DPYD: variants seen among roughly 807,000 people sequenced by gnomAD.
DPYD encodes dihydropyrimidine dehydrogenase [NADP(+)].
DPYD carries 109 observed loss-of-function variants against 116.2 expected under a neutral mutation model. The observed-to-expected ratio is 0.94, with a 90% CI of 0.80 to 1.10. The LOEUF (loss-of-function observed/expected upper bound fraction) is 1.10. Ranked by LOEUF, DPYD falls within the 50% of genes least tolerant of loss-of-function variation. DPYD has a pLI of 0.00. For synonymous variants in DPYD, 440 were observed against 432.0 expected (o/e 1.02, Z -0.23); for missense variants, 1,302 against 1,254.5 (o/e 1.04, Z -0.57).
rs550526561 is a variant in DPYD, at chr1:97,691,566, C to A, written c.762+151G>T. The A allele has an allele frequency of 1.5e-4, 101 of 661,398 alleles. 1 individual carries two copies. In the South Asian group the frequency reaches 1.7e-3, roughly 11 times the overall value. 41.0% of individuals were successfully genotyped at this position (661,398 alleles called of 1,614,324 possible). On this transcript the variant is annotated intron_variant, in intron 7 of 22. Coordinates refer to ENST00000370192, the MANE Select transcript of DPYD (RefSeq NM_000110.4). ...CATTCAGACAGTAGACAGACAAATG[C>A]CCTAAGCAAGGGGAAGCATCTTTCT...
In DPYD at chr1:97,305,381, A is replaced by G. The variant is rs74104343; in HGVS notation, c.2180-3T>C. 2.8e-4 allele frequency: 445 copies of G among 1,612,194 alleles called. 2 individuals are homozygous for G. The African/African-American group carries it at 5.4e-3, about 20-fold the overall frequency. ...GGCTGTAACGCCATTGGCACCACCTATGCAAGACACATCAACATTTTCATG... is the reference window on the plus strand; with the variant it reads ...GGCTGTAACGCCATTGGCACCACCTGTGCAAGACACATCAACATTTTCATG... On this transcript the variant is annotated splice_polypyrimidine_tract_variant and splice_region_variant and intron_variant, in intron 17 of 22. Transcript: ENST00000370192.
At chr1:97,721,987 T>A (rs767899744) in intron 4 of DPYD, among the ~76,000 whole-genome samples, 11 of 151,706 alleles carry the variant, frequency 7.3e-5, no homozygotes, top group Non-Finnish European at 1.3e-4. Context: ...TTGTCAAAAA[T>A]TATTCATTTC....
chr1:97,683,642 A>T (rs530525571), intron 7 of DPYD, among the ~76,000 whole-genome samples: 1 of 152,214 alleles, frequency 6.6e-6, no homozygotes, highest in East Asian at 1.9e-4. Flanking sequence ...TTGCATTACA[A>T]AAAAAGGTAT....
chr1:97,738,180 C>A (rs1664069221), intron 4 of DPYD, among the ~76,000 whole-genome samples: 1 of 152,148 alleles, frequency 6.6e-6, no homozygotes, highest in African/African-American at 2.4e-5. Context: ...TGATCTCATG[C>A]ATTCTCATAT....
chr1:97,219,177 C>G (rs1316773026), intron 19 of DPYD, among the ~76,000 whole-genome samples: 1 of 152,018 alleles, frequency 6.6e-6, no homozygotes. Flanking sequence ...ACAGTACACA[C>G]AAAGCAAAAC....
intron 8 of DPYD, among the ~76,000 whole-genome samples, chr1:97,663,532 T>A (rs191257387): frequency 6.6e-6 from 1 of 152,336 alleles, no homozygotes; most frequent in Admixed American, 6.5e-5. Flanking sequence ...TTGCTTGAAT[T>A]ATTCCAATAG....
intron 10 of DPYD, among the ~76,000 whole-genome samples, chr1:97,576,115 T>C (rs903467207): frequency 2.6e-5 from 4 of 152,200 alleles, no homozygotes; most frequent in Non-Finnish European, 4.4e-5. Flanking sequence ...AATTACAAAA[T>C]AAATATGATT....
chr1:97,141,174 C>T (rs1654190909), intron 20 of DPYD, among the ~76,000 whole-genome samples: 1 of 152,106 alleles, frequency 6.6e-6, no homozygotes, highest in African/African-American at 2.4e-5. Context: ...CAGTCCCTGG[C>T]ATATAATGGA....
chr1:97,738,125 G>A (rs1664066028), intron 4 of DPYD, among the ~76,000 whole-genome samples: 1 of 152,080 alleles, frequency 6.6e-6, no homozygotes, highest in Non-Finnish European at 1.5e-5. Flanking sequence ...ACGAAATCAA[G>A]GAACACTGTT....
chr1:97,115,118 C>A (rs920965812), intron 20 of DPYD, among the ~76,000 whole-genome samples: 7 of 152,172 alleles, frequency 4.6e-5, no homozygotes, highest in African/African-American at 1.4e-4. Context: ...GAAGTCATTA[C>A]TGCTTATACA....
intron 9 of DPYD, among the ~76,000 whole-genome samples, chr1:97,594,348 G>C (rs1417847366): frequency 6.6e-6 from 1 of 152,090 alleles, no homozygotes; most frequent in Non-Finnish European, 1.5e-5. Context: ...AAGGTGGAGA[G>C]GGTATGCATC....
chr1:97,291,150 C>T (rs1417740430), intron 18 of DPYD, among the ~76,000 whole-genome samples: 1 of 152,060 alleles, frequency 6.6e-6, no homozygotes, highest in Non-Finnish European at 1.5e-5. Flanking sequence ...CCATCTCACA[C>T]CAGTTAGAAT....
intron 8 of DPYD, among the ~76,000 whole-genome samples, chr1:97,648,557 G>T (rs1347377066): frequency 6.6e-6 from 1 of 151,778 alleles, no homozygotes; most frequent in Admixed American, 6.6e-5. Context: ...AAAAAAAAGA[G>T]AAATCAAGTA....
At chr1:97,843,159 C>A (rs1261258210) in intron 2 of DPYD, among the ~76,000 whole-genome samples, 4 of 152,228 alleles carry the variant, frequency 2.6e-5, no homozygotes, top group South Asian at 2.1e-4. Flanking sequence ...CTCAGAAAAC[C>A]TACTCAGGGT....
intron 13 of DPYD, among the ~76,000 whole-genome samples, chr1:97,510,980 CAT>C (rs1647752912): frequency 6.6e-6 from 1 of 151,876 alleles, no homozygotes; most frequent in Non-Finnish European, 1.5e-5. Flanking sequence ...AGCAATCCCA[CAT>C]GATTGCTATA....
chr1:97,790,609 C>T (rs889494983), intron 3 of DPYD, among the ~76,000 whole-genome samples: 2 of 152,110 alleles, frequency 1.3e-5, no homozygotes, highest in Non-Finnish European at 2.9e-5. Flanking sequence ...TGGATAATAC[C>T]ATATGTTGAA....
intron 13 of DPYD, among the ~76,000 whole-genome samples, chr1:97,512,781 C>T (rs538884669): frequency 6.6e-6 from 1 of 151,630 alleles, no homozygotes; most frequent in African/African-American, 2.4e-5. Context: ...AACTTGGAGC[C>T]GATATACATT....
At chr1:97,475,212 T>G (rs1320811501) in intron 13 of DPYD, among the ~76,000 whole-genome samples, 1 of 152,120 alleles carries the variant, frequency 6.6e-6, no homozygotes, top group Non-Finnish European at 1.5e-5. Flanking sequence ...TATGAGTTAT[T>G]CATCAATTGA....
At chr1:97,441,198 A>G (rs1675776796) in intron 14 of DPYD, among the ~76,000 whole-genome samples, 1 of 151,532 alleles carries the variant, frequency 6.6e-6, no homozygotes, top group East Asian at 1.9e-4. Flanking sequence ...GGAGTTGATG[A>G]AGTTTCTTGG....
Sources: gnomAD v4.1 joint callset for allele counts (sites outside exome capture counted in the v4.1 genomes callset) on GRCh38, gnomAD v4.1.1 for gene constraint, MANE v1.5 for transcripts, NCBI Gene and HGNC (gene_info 2026-07-23, HGNC 2026-07-21) for gene names.